Variants in DST observed in about 807,000 individuals in gnomAD.
The protein encoded by DST is bullous pemphigoid antigen.
Under a neutral mutation model 875.2 loss-of-function variants are expected in DST, and 253 were observed. That is an observed-to-expected ratio of 0.29 (90% confidence interval 0.26 to 0.32). The LOEUF (loss-of-function observed/expected upper bound fraction) is 0.32. Among genes scored for constraint, DST ranks in the 10% least tolerant of loss-of-function variants. The probability of loss-of-function intolerance (pLI) is 1.00; values close to 1 mark genes in which losing one functional copy is unlikely to be tolerated. For missense variants in DST, 8,287 were observed against 9,111.6 expected (o/e 0.91, Z 3.68); for synonymous variants, 3,124 against 3,197.1 (o/e 0.98, Z 0.77).
intron 4 of DST, among the ~76,000 whole-genome samples, chr6:56,740,369 T>TTTA (rs1241607000): frequency 6.6e-6 from 1 of 152,100 alleles, no homozygotes; most frequent in African/African-American, 2.4e-5. Context: ...AAAGGCAGTG[T>TTTA]GGTAAGCACA....
chr6:56,651,010 A>T lies in DST; in HGVS notation c.1350T>A (p.Asp450Glu). ...ACACGTAAGTTATTACTGATTTTTC[A>T]TCAGGTGAGGAGACATCGACATCTA... ...DPEDVDVSSP[D>E]EKSVITYVSS... Residue 450 changes from aspartate (D) to glutamate (E), a missense_variant, in exon 12 of 104, where the codon GAT becomes GAA. By Grantham distance (45) the Asp-to-Glu change is conservative. This residue lies in a region of DST where 1,160 missense variants were observed against 1,424.3 expected (regional missense o/e 0.81). Transcript: ENST00000680361. 3.1e-6 allele frequency: 5 copies of T among 1,612,376 alleles called. No individual in the cohort carries two copies. Among genetic ancestry groups the T allele is most frequent in the Non-Finnish European group, 4.2e-6 (5 of 1,178,698 alleles).
At chr6:56,515,361 G>GT (rs1165480269) in intron 72 of DST, 89 bp downstream of exon 72, 6 of 1,412,096 alleles carry the variant, frequency 4.2e-6, no homozygotes, top group Non-Finnish European at 4.9e-6. Context: ...CCTTAATCAT[G>GT]TAAGTGTTTA....
chr6:56,656,556 GTTA>G (rs1388802131), intron 10 of DST, among the ~76,000 whole-genome samples: 1 of 152,190 alleles, frequency 6.6e-6, no homozygotes, highest in Non-Finnish European at 1.5e-5. Flanking sequence ...AGTAGGTTGT[GTTA>G]TTATCCTGAA....
Position 56,605,799 on chromosome 6 carries a change from A to G in DST, c.8829T>C (p.Asn2943=), listed in dbSNP as rs2098490207. Residue 2943 remains asparagine, a synonymous_variant, in exon 40 of 104, where the codon AAT becomes AAC. Transcript: ENST00000680361. ...ATTCAGAAGTTGAACTGATATTATT[A>G]TTATCATGTGAAATACTTGCAGGGC... is the stretch of plus-strand genomic sequence containing the variant. ...TFGPASISHD[N]NNISSTSELG... The G allele has an allele frequency of 6.2e-7, 1 of 1,612,440 alleles. No individual in the cohort carries two copies. The highest frequency in any genetic ancestry group is 1.7e-5 in the Admixed American group (1 of 59,764).
rs749173304 is a variant in DST, at chr6:56,642,465, C to G, written c.1817G>C (p.Arg606Thr). The G allele has an allele frequency of 1.9e-6, 3 of 1,613,772 alleles. No homozygotes were observed. Among genetic ancestry groups the G allele is most frequent in the Non-Finnish European group, 2.5e-6 (3 of 1,179,704 alleles). ...MLQQIANRVQ[R>T]DSVICEDKLI... ...TTTGTCTTCACAGATGACACTGTCCCTCTGAACTCTGTTGGCAATCTGTTG... is the reference window on the plus strand; with the variant it reads ...TTTGTCTTCACAGATGACACTGTCCGTCTGAACTCTGTTGGCAATCTGTTG... Residue 606 changes from arginine (R) to threonine (T), a missense_variant, in exon 16 of 104, where the codon AGG becomes ACG. Arg to Thr is a moderately conservative substitution (Grantham distance 71, BLOSUM62 -1). Around this residue, in one of 10 missense-constraint regions of DST, gnomAD observed 1,160 missense variants for 1,424.3 expected, o/e 0.81. Transcript: ENST00000680361.
chr6:56,652,173 C>T (rs942901749), intron 10 of DST, among the ~76,000 whole-genome samples: 1 of 152,180 alleles, frequency 6.6e-6, no homozygotes, highest in African/African-American at 2.4e-5. Flanking sequence ...TTACGTAACA[C>T]CCTAAACCAT....
At chr6:56,474,960 CA>C (rs386407168) in intron 92 of DST, among the ~76,000 whole-genome samples, 1,319 of 31,244 alleles carry the variant, frequency 0.042, 3 homozygotes, top group African/African-American at 0.11. Flanking sequence ...CCCTGCCTCT[CA>C]AAAAAAAAAA....
intron 2 of DST, among the ~76,000 whole-genome samples, chr6:56,938,108 C>CTCTCTCTCTCTCTCTATATATA (rs1383243392): frequency 6.6e-5 from 8 of 120,724 alleles, no homozygotes; most frequent in African/African-American, 2.8e-4. Flanking sequence ...CTCTCTCTCT[C>CTCTCTCTCTCTCTCTATATATA]TATATATATA....
intron 3 of DST, among the ~76,000 whole-genome samples, chr6:56,890,989 T>C (rs1787115871): frequency 6.6e-6 from 1 of 152,228 alleles, no homozygotes; most frequent in East Asian, 1.9e-4. Flanking sequence ...TTTCTCCAAA[T>C]GTGTACGTTT....
At chr6:56,691,309 A>G (rs2099227080) in intron 9 of DST, among the ~76,000 whole-genome samples, 1 of 152,204 alleles carries the variant, frequency 6.6e-6, no homozygotes, top group East Asian at 1.9e-4. Context: ...TTTTTAAAAT[A>G]TAACCACTGT....
At chr6:56,771,436 A>G (rs563638316) in intron 4 of DST, among the ~76,000 whole-genome samples, 1 of 152,332 alleles carries the variant, frequency 6.6e-6, no homozygotes, top group Admixed American at 6.5e-5. Context: ...TCATTTAAGG[A>G]GACACTATAA....
intron 9 of DST, among the ~76,000 whole-genome samples, chr6:56,686,408 A>C (rs998710996): frequency 1.3e-5 from 2 of 152,252 alleles, no homozygotes; most frequent in East Asian, 3.8e-4. Context: ...CCCATGTAGC[A>C]AACCTGCACA....
At chr6:56,619,424 C>A in intron 36 of DST, 7 of 1,613,060 alleles carry the variant, frequency 4.3e-6, no homozygotes, top group Non-Finnish European at 5.9e-6. Context: ...CTGCTCATGG[C>A]TTTTCTCAAA....
intron 94 of DST, 167 bp downstream of exon 94, chr6:56,471,892 C>A: frequency 1.4e-6 from 1 of 702,788 alleles, no homozygotes; most frequent in Non-Finnish European, 2.5e-6. Flanking sequence ...TTCACAAAAT[C>A]ACACATACTT....
Position 56,640,301 on chromosome 6 carries a change from A to G in DST, c.2332T>C (p.Phe778Leu), listed in dbSNP as rs748870367. ...GAATTTGGCTCTACTCCTGAACTGA[A>G]ATTTGGAACTAATCCTGATGGGAAA... ...PGFPSGLVPN[F>L]SSGVEPNSLQ... Residue 778 changes from phenylalanine to leucine, a missense_variant, in exon 18 of 104, where the codon TTC becomes CTC. Phe to Leu is a conservative substitution (Grantham distance 22). Coordinates refer to ENST00000680361, the MANE Select transcript of DST (RefSeq NM_001374736.1). 4.3e-6 allele frequency: 7 copies of G among 1,614,022 alleles called. No individual in the cohort carries two copies. The highest frequency in any genetic ancestry group is 5.9e-6 in the Non-Finnish European group (7 of 1,180,024).
chr6:56,463,257 G>C (rs2094426523), intron 101 of DST, 101 bp from the exon 102 acceptor site: 2 of 687,834 alleles, frequency 2.9e-6, no homozygotes, highest in Non-Finnish European at 2.5e-6. Flanking sequence ...TTCACAGTAA[G>C]AATAATAATT....
intron 69 of DST, among the ~76,000 whole-genome samples, chr6:56,517,890 A>T (rs944852951): frequency 6.6e-6 from 1 of 152,144 alleles, no homozygotes; most frequent in African/African-American, 2.4e-5. Context: ...CCTTCTTTTC[A>T]GGCAGTCTTA....
At chr6:56,950,302 C>G (rs1821687658) in intron 2 of DST, among the ~76,000 whole-genome samples, 1 of 152,152 alleles carries the variant, frequency 6.6e-6, no homozygotes, top group Admixed American at 6.6e-5. Context: ...CCACTGAGCT[C>G]ATGAATAGGG....
chr6:56,888,013 C>T (rs933081773), intron 3 of DST, among the ~76,000 whole-genome samples: 14 of 148,926 alleles, frequency 9.4e-5, no homozygotes, highest in Admixed American at 3.4e-4. Context: ...TGCAGCAGTG[C>T]GATCTCGGCT....
Sources: allele counts gnomAD v4.1 joint callset (sites outside exome capture counted in the v4.1 genomes callset), GRCh38; gene constraint gnomAD v4.1.1; regional missense constraint gnomAD v4.1.1; transcripts MANE v1.5; gene names NCBI Gene and HGNC (gene_info 2026-07-23, HGNC 2026-07-21).